The following SGCZ variants were observed in gnomAD, a reference collection of about 807,000 sequenced individuals.
SGCZ encodes zeta-sarcoglycan.
SGCZ carries 40 observed loss-of-function variants against 41.3 expected under a neutral mutation model. The observed-to-expected ratio is 0.97, with a 90% CI of 0.75 to 1.26. The LOEUF (loss-of-function observed/expected upper bound fraction) is 1.26. Ranked by LOEUF, SGCZ falls within the 50% of genes most tolerant of loss-of-function variation. The pLI is 0.00. For missense variants in SGCZ, 552 were observed against 369.8 expected, an observed-to-expected ratio of 1.49 and a Z score of -4.04; for synonymous variants, 206 against 137.5, an observed-to-expected ratio of 1.50 and a Z score of -3.49.
At chr8:14,836,726 C>T (rs1802714576) in intron 1 of SGCZ, among the ~76,000 whole-genome samples, 1 of 152,124 alleles carries the variant, frequency 6.6e-6, no homozygotes, top group South Asian at 2.1e-4. Flanking sequence ...GTCTCAAACT[C>T]CTTGAGCTCA....
At chr8:14,423,560 G>A (rs975262004) in intron 2 of SGCZ, among the ~76,000 whole-genome samples, 13 of 152,198 alleles carry the variant, frequency 8.5e-5, no homozygotes, top group African/African-American at 2.9e-4. Flanking sequence ...GGGATTACAG[G>A]CATACACCAC....
At chr8:14,129,960 G>A (rs999773252) in intron 5 of SGCZ, among the ~76,000 whole-genome samples, 1 of 152,086 alleles carries the variant, frequency 6.6e-6, no homozygotes, top group Non-Finnish European at 1.5e-5. Flanking sequence ...AATCACAACA[G>A]CCATTTTGTG....
rs148187956 is a variant in SGCZ at position 14,131,682 on chromosome 8, T to G, written c.548-23447A>C. On this transcript the variant is annotated intron_variant, in intron 5 of 7. Transcript: ENST00000382080. ...GGCATATGCACGTGTTTCATCAAAT[T>G]TGTAATGTTTTAGGCCATTATTTCT... Among the ~76,000 whole-genome samples, 14 of 152,344 alleles carry G rather than the reference T, an allele frequency of 9.2e-5. No homozygotes were observed. In the East Asian group the frequency reaches 2.5e-3, roughly 27 times the overall value.
In SGCZ at chr8:14,605,595, T is replaced by C. The variant is rs73664406; in HGVS notation, c.40-50669A>G. Among the ~76,000 whole-genome samples, 334 of 152,262 alleles carry C rather than the reference T, an allele frequency of 2.2e-3. 2 individuals carry two copies. The highest frequency in any genetic ancestry group is 7.6e-3 in the African/African-American group (315 of 41,574). ...GCCCAGCGTCTAGCAACCAACATTC[T>C]AGTCTCTATCTCCCTAAGTTCAATT... is the stretch of plus-strand genomic sequence containing the variant. On this transcript the variant is annotated intron_variant, in intron 1 of 7. Coordinates refer to ENST00000382080, the MANE Select transcript of SGCZ (RefSeq NM_139167.4).
Position 14,324,018 on chromosome 8 carries a change from A to G in SGCZ, c.336+85T>C. 6 of 824,176 alleles carry G rather than the reference A, an allele frequency of 7.3e-6. No individual in the cohort carries two copies. The South Asian group carries it at 7.7e-5, about 11-fold the overall frequency. The allele number at this position is 824,176 out of a possible 1,614,324, so 51.1% of individuals were successfully genotyped here. ...AGGAAACTAAACACATGCTGAAGAG[A>G]TAAGGGGATTCTACCCTGCTATTTC... is the stretch of plus-strand genomic sequence containing the variant. On this transcript the variant is annotated intron_variant, in intron 3 of 7. Coordinates refer to ENST00000382080, the MANE Select transcript of SGCZ (RefSeq NM_139167.4).
intron 2 of SGCZ, among the ~76,000 whole-genome samples, chr8:14,388,838 A>AG (rs1401025094): frequency 7.8e-6 from 1 of 128,220 alleles, no homozygotes; most frequent in Non-Finnish European, 1.6e-5. Flanking sequence ...TTAATAAAAA[A>AG]GAAAAAAAAA....
intron 1 of SGCZ, among the ~76,000 whole-genome samples, chr8:14,946,256 G>C (rs936546614): frequency 3.3e-5 from 5 of 150,876 alleles, no homozygotes; most frequent in Admixed American, 6.6e-5. Flanking sequence ...TAGTCAAGCA[G>C]AGCGTAGACT....
chr8:14,766,756 T>C (rs907575152), intron 1 of SGCZ, among the ~76,000 whole-genome samples: 4 of 149,902 alleles, frequency 2.7e-5, no homozygotes, highest in Admixed American at 2.7e-4. Context: ...TTTTGTATTT[T>C]TGGGAGAGAT....
rs181474103 is a variant in SGCZ at position 14,733,313 on chromosome 8, A to G, written c.40-178387T>C. Among the ~76,000 whole-genome samples the G allele has an allele frequency of 7.9e-5, 12 of 152,196 alleles. No individual in the cohort carries two copies. In the East Asian group the frequency reaches 2.1e-3, roughly 27 times the overall value. On this transcript the variant is annotated intron_variant, in intron 1 of 7. Transcript: ENST00000382080. ...GACCTTGTCTCACCCATTCCTTTCC[A>G]TGGAACAACAATTGAGGATCTATAT...
chr8:14,427,077 CGAATGAATGAGTGAAT>C (rs150063969), intron 2 of SGCZ, among the ~76,000 whole-genome samples: 17,503 of 145,540 alleles, frequency 0.12, 2,714 homozygotes, highest in African/African-American at 0.38. Context: ...AGTGAATGAA[CGAATGAATGAGTGAAT>C]GAATGAATGA....
At chr8:14,988,773 T>C (rs930931175) in intron 1 of SGCZ, among the ~76,000 whole-genome samples, 1 of 152,178 alleles carries the variant, frequency 6.6e-6, no homozygotes, top group Non-Finnish European at 1.5e-5. Context: ...GCTATAACTA[T>C]GCATTTTTTC....
At chr8:14,565,511 G>A (rs1195095769) in intron 1 of SGCZ, among the ~76,000 whole-genome samples, 2 of 151,926 alleles carry the variant, frequency 1.3e-5, no homozygotes, top group East Asian at 1.9e-4. Context: ...GACAGTCCAC[G>A]GGCACCATTT....
chr8:14,370,640 G>T (rs1251314173), intron 2 of SGCZ, among the ~76,000 whole-genome samples: 1 of 151,578 alleles, frequency 6.6e-6, no homozygotes. Context: ...TTAAATTTTA[G>T]TTTTTAATAT....
chr8:14,852,683 T>C (rs975100977), intron 1 of SGCZ, among the ~76,000 whole-genome samples: 1 of 152,196 alleles, frequency 6.6e-6, no homozygotes, highest in Non-Finnish European at 1.5e-5. Flanking sequence ...TTTTTGTTCA[T>C]ATTTAGTTTT....
At chr8:14,182,292 T>C (rs762060608) in intron 4 of SGCZ, among the ~76,000 whole-genome samples, 3 of 152,198 alleles carry the variant, frequency 2.0e-5, no homozygotes, top group African/African-American at 4.8e-5. Context: ...AAGGCCATGA[T>C]GCCCAGCCGA....
intron 1 of SGCZ, among the ~76,000 whole-genome samples, chr8:14,599,662 T>A (rs1419003525): frequency 6.6e-6 from 1 of 152,216 alleles, no homozygotes; most frequent in Admixed American, 6.5e-5. Flanking sequence ...TATTCATCTA[T>A]ACCCATAAAT....
At chr8:14,156,239 C>T (rs987659611) in intron 5 of SGCZ, among the ~76,000 whole-genome samples, 4 of 152,124 alleles carry the variant, frequency 2.6e-5, no homozygotes, top group Non-Finnish European at 5.9e-5. Context: ...GGAGGCCGAT[C>T]ACTAGGTCAG....
intron 1 of SGCZ, among the ~76,000 whole-genome samples, chr8:14,626,323 A>T (rs1332594226): frequency 6.6e-6 from 1 of 151,726 alleles, no homozygotes; most frequent in Non-Finnish European, 1.5e-5. Context: ...CCCCCTCAAC[A>T]GGCTCCTGTG....
intron 1 of SGCZ, among the ~76,000 whole-genome samples, chr8:14,673,443 G>A: frequency 6.6e-6 from 1 of 151,510 alleles, no homozygotes; most frequent in Non-Finnish European, 1.5e-5. Flanking sequence ...TCGCGCTCGC[G>A]CTGTCTCTCT....
Sources: allele counts gnomAD v4.1 joint callset (sites outside exome capture counted in the v4.1 genomes callset), GRCh38; gene constraint gnomAD v4.1.1; transcripts MANE v1.5; gene names NCBI Gene and HGNC (gene_info 2026-07-23, HGNC 2026-07-21).